HTR2C: variants seen among roughly 807,000 people sequenced by gnomAD.
HTR2C encodes the protein 5-hydroxytryptamine (serotonin) receptor 2C, G protein-coupled.
HTR2C carries 5 observed loss-of-function variants against 21.0 expected under a neutral mutation model. The observed-to-expected ratio is 0.24, with a 90% CI of 0.12 to 0.50. The LOEUF (loss-of-function observed/expected upper bound fraction) is 0.50, where lower values mean the gene tolerates loss of function less well. HTR2C is among the 20% of genes least tolerant of loss of function. The pLI is 0.98. For synonymous variants in HTR2C, 150 were observed against 145.3 expected (o/e 1.03, Z -0.23); for missense variants, 271 against 371.2 (o/e 0.73, Z 2.22).
At chrX:114,713,503 T>C (rs1019719722) in intron 2 of HTR2C, among the ~76,000 whole-genome samples, 5 of 111,236 alleles carry the variant, frequency 4.5e-5, no homozygotes, top group African/African-American at 1.6e-4. Flanking sequence ...AACAAGTCTG[T>C]GTGATAGAAA....
chrX:114,860,504 C>G lies in HTR2C; in HGVS notation c.550+12301C>G, dbSNP rs2070998291. Among the ~76,000 whole-genome samples, 4 of 110,838 alleles carry G rather than the reference C, an allele frequency of 3.6e-5. No homozygotes were observed. In the Admixed American group the frequency reaches 3.9e-4, roughly 11 times the overall value. ...TGTCTTTATATTTTTAAATAATTCACTTATAAAGAGCATATAGTTATTTCT... is the reference window on the plus strand; with the variant it reads ...TGTCTTTATATTTTTAAATAATTCAGTTATAAAGAGCATATAGTTATTTCT... On this transcript the variant is annotated intron_variant, in intron 5 of 5. Coordinates refer to ENST00000276198, the MANE Select transcript of HTR2C (RefSeq NM_000868.4).
chrX:114,633,448 C>T (rs1333683382), intron 2 of HTR2C, among the ~76,000 whole-genome samples: 1 of 111,486 alleles, frequency 9.0e-6, no homozygotes, highest in African/African-American at 3.3e-5. Context: ...CTTGATGTAT[C>T]TGCACTGCCT....
intron 2 of HTR2C, among the ~76,000 whole-genome samples, chrX:114,716,857 G>A (rs1267862145): frequency 9.0e-6 from 1 of 110,883 alleles, no homozygotes; most frequent in Non-Finnish European, 1.9e-5. Flanking sequence ...ATCTTCCCAG[G>A]ACTAATCTGA....
chrX:114,588,538 A>G (rs1556390268), intron 1 of HTR2C, among the ~76,000 whole-genome samples: 1 of 112,037 alleles, frequency 8.9e-6, no homozygotes, highest in African/African-American at 3.2e-5. Context: ...TGAAAACTGA[A>G]CACCACTGAA....
chrX:114,745,372 A>G (rs782269268), intron 4 of HTR2C, among the ~76,000 whole-genome samples: 53 of 112,413 alleles, frequency 4.7e-4, no homozygotes, highest in Non-Finnish European at 9.4e-4. Flanking sequence ...GTACAACTCC[A>G]TTAGTATGGG....
At chrX:114,820,049 G>A (rs1237903810) in intron 4 of HTR2C, among the ~76,000 whole-genome samples, 1 of 110,386 alleles carries the variant, frequency 9.1e-6, no homozygotes, top group African/African-American at 3.3e-5. Flanking sequence ...TGGAGGGGGT[G>A]TAACAAGGTG....
At chrX:114,732,843 G>A (rs1438194420) in intron 4 of HTR2C, among the ~76,000 whole-genome samples, 1 of 111,257 alleles carries the variant, frequency 9.0e-6, no homozygotes, top group Non-Finnish European at 1.9e-5. Context: ...AATGATATTA[G>A]CATAAATCCA....
At chrX:114,855,778 TTTTTTTTA>T (rs2070955506) in intron 5 of HTR2C, among the ~76,000 whole-genome samples, 4 of 45,499 alleles carry the variant, frequency 8.8e-5, no homozygotes, top group Non-Finnish European at 1.3e-4. Context: ...TTTTTTTTTT[TTTTTTTTA>T]CCAAAGCTGT....
chrX:114,717,738 T>C (rs1185646400), intron 2 of HTR2C: 7 of 111,695 alleles, frequency 6.3e-5, no homozygotes, highest in African/African-American at 2.3e-4. Flanking sequence ...GCGTTTTCAA[T>C]AAAGTTGCAA....
At chrX:114,775,274 C>T in intron 4 of HTR2C, 2 of 524,026 alleles carry the variant, frequency 3.8e-6, no homozygotes, top group Admixed American at 2.3e-5. Context: ...TAATCGTGTT[C>T]TCTTTTCCTA....
At chrX:114,630,931 G>A (rs782409474) in intron 2 of HTR2C, 2 of 339,502 alleles carry the variant, frequency 5.9e-6, no homozygotes. Flanking sequence ...ATATCTCCTG[G>A]GTCCTATGAC....
intron 1 of HTR2C, among the ~76,000 whole-genome samples, chrX:114,588,144 A>G (rs1217047558): frequency 8.9e-6 from 1 of 112,215 alleles, no homozygotes; most frequent in East Asian, 2.8e-4. Context: ...TATAGCTGGC[A>G]TTTGAAACAG....
At chrX:114,622,709 A>G (rs1929212293) in intron 2 of HTR2C, among the ~76,000 whole-genome samples, 1 of 112,195 alleles carries the variant, frequency 8.9e-6, no homozygotes, top group Non-Finnish European at 1.9e-5. Flanking sequence ...CTCCTCCAAA[A>G]TAGGCAATAC....
At chrX:114,687,859 C>T (rs1556414485) in intron 2 of HTR2C, among the ~76,000 whole-genome samples, 1 of 111,655 alleles carries the variant, frequency 9.0e-6, no homozygotes, top group African/African-American at 3.2e-5. Context: ...TTCTACTATG[C>T]TCCTGATCTT....
chrX:114,776,365 C>T, intron 4 of HTR2C: 1 of 731,675 alleles, frequency 1.4e-6, no homozygotes, highest in Non-Finnish European at 2.2e-6. Flanking sequence ...TGGTAACAGT[C>T]TTCCCAAGGT....
intron 2 of HTR2C, among the ~76,000 whole-genome samples, chrX:114,636,019 A>G (rs1556405155): frequency 9.1e-6 from 1 of 110,272 alleles, no homozygotes; most frequent in African/African-American, 3.3e-5. Flanking sequence ...GTTAACAGGT[A>G]ACTGAGGCTG....
chrX:114,644,179 C>T (rs1489549448), intron 2 of HTR2C, among the ~76,000 whole-genome samples: 1 of 104,887 alleles, frequency 9.5e-6, no homozygotes, highest in African/African-American at 3.5e-5. Flanking sequence ...CCCATTTCTA[C>T]TAAAAATACA....
intron 4 of HTR2C, among the ~76,000 whole-genome samples, chrX:114,794,013 T>A (rs920618346): frequency 1.3e-4 from 15 of 111,475 alleles, no homozygotes; most frequent in Admixed American, 1.1e-3. Flanking sequence ...TTGTTAGTGA[T>A]GCCTGTACAA....
intron 4 of HTR2C, among the ~76,000 whole-genome samples, chrX:114,789,943 ATTTTG>A (rs781996495): frequency 8.9e-6 from 1 of 112,135 alleles, no homozygotes; most frequent in South Asian, 3.7e-4. Context: ...CATTCTAAGA[ATTTTG>A]TTTTATTTCC....
Sources: allele counts gnomAD v4.1 joint callset (sites outside exome capture counted in the v4.1 genomes callset), GRCh38; gene constraint gnomAD v4.1.1; transcripts MANE v1.5; gene names NCBI Gene and HGNC (gene_info 2026-07-23, HGNC 2026-07-21).